GLIS3: variants seen among roughly 807,000 people sequenced by gnomAD.
The protein encoded by GLIS3 is zinc finger protein GLIS3.
Under a neutral mutation model 78.6 loss-of-function variants are expected in GLIS3, and 53 were observed. The observed-to-expected ratio is 0.67, with a 90% CI of 0.54 to 0.85. GLIS3 has a LOEUF of 0.85. GLIS3 is among the 40% of genes least tolerant of loss of function. The pLI, the probability that GLIS3 is intolerant of heterozygous loss-of-function variation, is 0.00. For synonymous variants in GLIS3, 684 were observed against 509.9 expected (o/e 1.34, Z -4.60); for missense variants, 1,703 against 1,231.1 (o/e 1.38, Z -5.74).
At chr9:3,872,663 A>T (rs1243663902) in intron 8 of GLIS3, among the ~76,000 whole-genome samples, 3 of 152,188 alleles carry the variant, frequency 2.0e-5, no homozygotes, top group African/African-American at 7.2e-5. Flanking sequence ...TTATCTCCCA[A>T]CAGATCCCTC....
chr9:4,298,490 T>C (rs1054151418), intron 1 of GLIS3: 2 of 442,980 alleles, frequency 4.5e-6, no homozygotes, highest in Admixed American at 2.4e-5. Flanking sequence ...GTGAGTAACT[T>C]GGAACTGTCG....
At position 3,898,742 on chromosome 9, in the gene GLIS3, C is replaced by T. The variant is rs568262538; in HGVS notation, c.2077G>A (p.Ala693Thr). 7.7e-5 allele frequency: 125 copies of T among 1,614,192 alleles called. No homozygotes were observed. The highest frequency in any genetic ancestry group is 1.0e-4 in the Non-Finnish European group (120 of 1,180,030). ...GGGGAGCGTCCCACGGTCCCTTCAG[C>T]AGCAGCATCTCTAGGGGAAGTGGCC... ...QPATSPRDAA[A>T]EGTVGRSPGP... Residue 693 changes from alanine to threonine, a missense_variant, in exon 7 of 11, where the codon GCT becomes ACT. Coordinates refer to ENST00000381971, the MANE Select transcript of GLIS3 (RefSeq NM_001042413.2).
At chr9:4,322,879 G>A (rs961242301) in intron 2 of GLIS3, among the ~76,000 whole-genome samples, 1 of 152,100 alleles carries the variant, frequency 6.6e-6, no homozygotes, top group Non-Finnish European at 1.5e-5. Flanking sequence ...CACTCTGATG[G>A]TAGTTTCTTT....
chr9:4,137,890 C>G (rs1427402864), intron 2 of GLIS3, among the ~76,000 whole-genome samples: 1 of 152,212 alleles, frequency 6.6e-6, no homozygotes, highest in East Asian at 1.9e-4. Context: ...TACTGCTTCT[C>G]CCTCGACAAA....
At chr9:4,036,857 T>G (rs1327658935) in intron 4 of GLIS3, among the ~76,000 whole-genome samples, 1 of 152,124 alleles carries the variant, frequency 6.6e-6, no homozygotes, top group Non-Finnish European at 1.5e-5. Context: ...ACTCCTTGCG[T>G]TTGAGTATCA....
At chr9:3,953,938 T>C (rs917474818) in intron 4 of GLIS3, among the ~76,000 whole-genome samples, 2 of 152,042 alleles carry the variant, frequency 1.3e-5, no homozygotes, top group Non-Finnish European at 2.9e-5. Flanking sequence ...AATCAACATA[T>C]CAAAATCCAA....
chr9:4,105,190 C>A (rs1285086653), intron 4 of GLIS3, among the ~76,000 whole-genome samples: 1 of 152,114 alleles, frequency 6.6e-6, no homozygotes, highest in Non-Finnish European at 1.5e-5. Flanking sequence ...AGAAACAAAA[C>A]AAAGTGATTT....
At position 4,226,712 on chromosome 9, in the gene GLIS3, G is replaced by C. The variant is rs1229762389; in HGVS notation, c.388+59326C>G. Among the ~76,000 whole-genome samples, 7 of 152,352 alleles carry C rather than the reference G, an allele frequency of 4.6e-5. No individual in the cohort carries two copies. In the South Asian group the frequency reaches 6.2e-4, roughly 14 times the overall value. Reference sequence around the variant, plus strand: ...TCCTTATCTGTGTGACCTTAGGCAAGTTACTTAATTCTCCTGAATCTTGGT... The same window carrying C: ...TCCTTATCTGTGTGACCTTAGGCAACTTACTTAATTCTCCTGAATCTTGGT... On this transcript the variant is annotated intron_variant, in intron 2 of 10. Transcript: ENST00000381971.
rs10739041 is a variant in GLIS3, at chr9:4,284,658, G to T, written c.388+1380C>A. Among the ~76,000 whole-genome samples the T allele has an allele frequency of 2.0e-5, 3 of 151,950 alleles. No homozygotes were observed. In the East Asian group the frequency reaches 5.8e-4, roughly 29 times the overall value. On this transcript the variant is annotated intron_variant, in intron 2 of 10. Coordinates refer to ENST00000381971, the MANE Select transcript of GLIS3 (RefSeq NM_001042413.2). ...TGGCACGGTGGCTCACGCCTGTAAC[G>T]CTAGCACTTTGGGAGGCCAAGGCAG...
At chr9:4,374,119 T>A in the GLIS3 span, among the ~76,000 whole-genome samples, 2 of 152,342 alleles carry the variant, frequency 1.3e-5, no homozygotes, top group African/African-American at 2.4e-5. Context: ...ATTCCTCTAT[T>A]TAATTTTGCT....
Position 4,118,293 on chromosome 9 carries a change from C to T in GLIS3, c.1185G>A (p.Met395Ile), listed in dbSNP as rs1372471620. The change falls in exon 4 of 11, where the codon ATG (methionine) becomes ATA (isoleucine). Residue 395 changes from methionine (M) to isoleucine (I), a missense_variant. Physicochemically the swap from Met to Ile is conservative, Grantham distance 10 (BLOSUM62 1). Transcript: ENST00000381971. The surrounding 1 kb of genome is among the most constrained non-coding windows in gnomAD (Gnocchi z 4.7). The part of the protein sequence containing the change: ...GEDGALEHER[M>I]QQLEHGGLQP... ...GCAGGCCGCCGTGCTCCAGCTGTTG[C>T]ATGCGCTCGTGCTCCAGGGCCCCGT... is the stretch of plus-strand genomic sequence containing the variant. The T allele has an allele frequency of 4.4e-6, 7 of 1,581,708 alleles. No homozygotes were observed. Among genetic ancestry groups the T allele is most frequent in the Non-Finnish European group, 6.0e-6 (7 of 1,165,446 alleles).
At chr9:4,198,225 A>G (rs1296375723) in intron 2 of GLIS3, among the ~76,000 whole-genome samples, 1 of 152,242 alleles carries the variant, frequency 6.6e-6, no homozygotes, top group Non-Finnish European at 1.5e-5. Context: ...ATGAGATCCA[A>G]GACAAGGTTG....
chr9:4,099,057 C>G (rs1239619159), intron 4 of GLIS3, among the ~76,000 whole-genome samples: 1 of 152,152 alleles, frequency 6.6e-6, no homozygotes, highest in Non-Finnish European at 1.5e-5. Context: ...GTGCAATGTC[C>G]CACAGCTTGG....
the GLIS3 span, among the ~76,000 whole-genome samples, chr9:4,465,762 C>A: frequency 2.0e-5 from 3 of 151,580 alleles, no homozygotes; most frequent in Non-Finnish European, 4.4e-5. Flanking sequence ...AAAAAATTTT[C>A]AAAAAAAATT....
At chr9:4,039,355 A>G (rs971911685) in intron 4 of GLIS3, among the ~76,000 whole-genome samples, 2 of 152,226 alleles carry the variant, frequency 1.3e-5, no homozygotes, top group African/African-American at 4.8e-5. Flanking sequence ...ATAGCAAAAT[A>G]GAGAAGCCAC....
chr9:4,277,086 A>G (rs1326336454), intron 2 of GLIS3, among the ~76,000 whole-genome samples: 1 of 152,174 alleles, frequency 6.6e-6, no homozygotes, highest in Non-Finnish European at 1.5e-5. Context: ...TATTAACTGC[A>G]TCTCTTCAAA....
chr9:4,291,890 G>A (rs1816011711), intron 1 of GLIS3, among the ~76,000 whole-genome samples: 1 of 152,076 alleles, frequency 6.6e-6, no homozygotes, highest in South Asian at 2.1e-4. Flanking sequence ...ACTTTCACTA[G>A]TAATTATTAG....
intron 2 of GLIS3, among the ~76,000 whole-genome samples, chr9:4,160,271 T>C (rs895334770): frequency 2.0e-5 from 3 of 152,200 alleles, no homozygotes; most frequent in African/African-American, 7.2e-5. Flanking sequence ...CCAGTGGTGC[T>C]AAGGAACTGA....
the GLIS3 span, among the ~76,000 whole-genome samples, chr9:4,355,899 G>A: frequency 1.3e-5 from 2 of 152,126 alleles, no homozygotes; most frequent in African/African-American, 4.8e-5. Context: ...GCAATGAAAT[G>A]TTCTATATCT....
Sources: allele counts gnomAD v4.1 joint callset (sites outside exome capture counted in the v4.1 genomes callset), GRCh38; gene constraint gnomAD v4.1.1; non-coding constraint Gnocchi (gnomAD v3.1); transcripts MANE v1.5; gene names NCBI Gene and HGNC (gene_info 2026-07-23, HGNC 2026-07-21).